The following SEMA6D variants were observed in gnomAD, a reference collection of about 807,000 sequenced individuals.
The protein encoded by SEMA6D is semaphorin 6D.
In SEMA6D, 35 loss-of-function variants were observed where a neutral mutation model predicts 106.6. That is an observed-to-expected ratio of 0.33 (90% CI 0.25 to 0.44). The LOEUF (loss-of-function observed/expected upper bound fraction) is 0.44. Ranked by LOEUF, SEMA6D falls within the 20% of genes least tolerant of loss-of-function variation. The probability of loss-of-function intolerance (pLI) is 1.00; values close to 1 mark genes in which losing one functional copy is unlikely to be tolerated. For missense variants in SEMA6D, 1,185 were observed against 1,345.9 expected, an observed-to-expected ratio of 0.88 and a Z score of 1.87; for synonymous variants, 499 against 487.7, an observed-to-expected ratio of 1.02 and a Z score of -0.31.
At chr15:47,427,012 C>T (rs557245730) in intron 2 of SEMA6D, among the ~76,000 whole-genome samples, 24 of 152,268 alleles carry the variant, frequency 1.6e-4, no homozygotes, top group Middle Eastern at 3.4e-3. Context: ...ATGAATAAGT[C>T]AGGTACCAAA....
chr15:47,277,843 A>G (rs1219687090), intron 1 of SEMA6D, among the ~76,000 whole-genome samples: 1 of 147,634 alleles, frequency 6.8e-6, no homozygotes, highest in East Asian at 2.0e-4. Flanking sequence ...ATTCCCACCT[A>G]TGAGTGAGAA....
intron 3 of SEMA6D, among the ~76,000 whole-genome samples, chr15:47,475,939 C>T (rs902279031): frequency 1.3e-5 from 2 of 152,162 alleles, no homozygotes; most frequent in Non-Finnish European, 2.9e-5. Flanking sequence ...TGAGTTGTCT[C>T]ATCTATGACA....
At chr15:47,586,133 A>AT (rs2076335231) in intron 3 of SEMA6D, among the ~76,000 whole-genome samples, 1 of 152,236 alleles carries the variant, frequency 6.6e-6, no homozygotes, top group Non-Finnish European at 1.5e-5. Flanking sequence ...TACTTTTAAT[A>AT]TTTATTACAC....
chr15:47,202,853 G>A (rs1027951697), intron 1 of SEMA6D, among the ~76,000 whole-genome samples: 1 of 152,020 alleles, frequency 6.6e-6, no homozygotes. Context: ...TTCTAAGAGC[G>A]AAAAAATGTG....
chr15:47,321,509 G>T (rs1450137203), intron 1 of SEMA6D, among the ~76,000 whole-genome samples: 1 of 150,100 alleles, frequency 6.7e-6, no homozygotes, highest in African/African-American at 2.4e-5. Context: ...TTTCCATGAA[G>T]AAATGATATG....
chr15:47,546,394 TTGAG>T (rs2045522708), intron 3 of SEMA6D, among the ~76,000 whole-genome samples: 1 of 152,170 alleles, frequency 6.6e-6, no homozygotes, highest in African/African-American at 2.4e-5. Flanking sequence ...GATTCATAAA[TTGAG>T]TTTCTTTTCA....
intron 4 of SEMA6D, among the ~76,000 whole-genome samples, chr15:47,676,849 T>TG (rs1054047108): frequency 1.3e-5 from 2 of 151,742 alleles, no homozygotes; most frequent in African/African-American, 2.4e-5. Flanking sequence ...AGATGGTGGT[T>TG]GGGGCTTCAG....
At chr15:47,433,334 A>G (rs1407111622) in intron 2 of SEMA6D, among the ~76,000 whole-genome samples, 2 of 151,592 alleles carry the variant, frequency 1.3e-5, no homozygotes, top group Admixed American at 6.6e-5. Flanking sequence ...GTATTTATAT[A>G]TTTATATATT....
At chr15:47,218,913 A>T (rs1313220694) in intron 1 of SEMA6D, among the ~76,000 whole-genome samples, 3 of 152,210 alleles carry the variant, frequency 2.0e-5, no homozygotes, top group African/African-American at 7.2e-5. Flanking sequence ...GTTAAATCCA[A>T]GTCATCCATA....
In SEMA6D at chr15:47,526,544, A is replaced by G. The variant is rs560145518; in HGVS notation, c.-87+55999A>G. 3.9e-4 allele frequency among the ~76,000 whole-genome samples: 60 copies of G among 152,332 alleles called. 1 individual carries two copies. In the South Asian group the frequency reaches 9.5e-3, roughly 24 times the overall value. On this transcript the variant is annotated intron_variant, in intron 3 of 19. Coordinates refer to the SEMA6D transcript ENST00000558014. ...AGCTAGCCAGTATTGGCCATGGCCA[A>G]TATTCAGCAATGCCTGCTAGAACGT... is the stretch of plus-strand genomic sequence containing the variant.
intron 1 of SEMA6D, among the ~76,000 whole-genome samples, chr15:47,223,086 G>A (rs1183754019): frequency 2.0e-5 from 3 of 152,130 alleles, no homozygotes; most frequent in African/African-American, 7.2e-5. Context: ...ACTCCTGAGA[G>A]GCAGAGCCAG....
At chr15:47,187,761 A>G (rs1893677363) in intron 1 of SEMA6D, among the ~76,000 whole-genome samples, 1 of 152,092 alleles carries the variant, frequency 6.6e-6, no homozygotes, top group African/African-American at 2.4e-5. Context: ...ATGTGCAAAT[A>G]TCTTCAGCAT....
intron 3 of SEMA6D, among the ~76,000 whole-genome samples, chr15:47,575,896 C>T (rs2076148875): frequency 6.6e-6 from 1 of 152,134 alleles, no homozygotes; most frequent in African/African-American, 2.4e-5. Flanking sequence ...GTAGTAGGTG[C>T]TCTGTACATA....
At chr15:47,466,208 C>T (rs1395326700) in intron 2 of SEMA6D, among the ~76,000 whole-genome samples, 2 of 152,052 alleles carry the variant, frequency 1.3e-5, no homozygotes. Context: ...GACAAGGATG[C>T]AATACATTAT....
At chr15:47,385,235 A>G (rs2039790292) in intron 1 of SEMA6D, among the ~76,000 whole-genome samples, 1 of 152,022 alleles carries the variant, frequency 6.6e-6, no homozygotes, top group Non-Finnish European at 1.5e-5. Flanking sequence ...AGAATTCAAG[A>G]GCAGATAAGT....
At chr15:47,443,254 G>A (rs745495773) in intron 2 of SEMA6D, among the ~76,000 whole-genome samples, 18 of 152,048 alleles carry the variant, frequency 1.2e-4, no homozygotes, top group Non-Finnish European at 2.4e-4. Context: ...TTTGAAACTT[G>A]GCAAGCTGTT....
At chr15:47,278,882 A>G (rs2034965795) in intron 1 of SEMA6D, among the ~76,000 whole-genome samples, 1 of 146,634 alleles carries the variant, frequency 6.8e-6, no homozygotes, top group Non-Finnish European at 1.5e-5. Flanking sequence ...TCCTTTCCCC[A>G]TTGCTTGTTT....
chr15:47,297,975 G>A (rs1196980684), intron 1 of SEMA6D, among the ~76,000 whole-genome samples: 1 of 152,196 alleles, frequency 6.6e-6, no homozygotes, highest in African/African-American at 2.4e-5. Flanking sequence ...GTTTGGAGAT[G>A]TGAGGAAGGA....
chr15:47,622,891 A>C (rs535347413), intron 4 of SEMA6D, among the ~76,000 whole-genome samples: 88 of 152,270 alleles, frequency 5.8e-4, no homozygotes, highest in African/African-American at 2.0e-3. Context: ...GTCCTTGGAA[A>C]GTCCCCTCAA....
Sources: allele counts gnomAD v4.1 joint callset (sites outside exome capture counted in the v4.1 genomes callset), GRCh38; gene constraint gnomAD v4.1.1; transcripts MANE v1.5; gene names NCBI Gene and HGNC (gene_info 2026-07-23, HGNC 2026-07-21).